Variants in FBXL17 observed in about 807,000 individuals in gnomAD.
FBXL17 encodes F-box/LRR-repeat protein 17.
A neutral mutation model predicts 66.2 loss-of-function variants in FBXL17; 22 were observed. The ratio of observed to expected loss-of-function variants is 0.33; its 90% confidence interval spans 0.24 to 0.47. The LOEUF (loss-of-function observed/expected upper bound fraction) is 0.47, where lower values mean the gene tolerates loss of function less well. Ranked by LOEUF, FBXL17 falls within the 20% of genes least tolerant of loss-of-function variation. FBXL17 has a pLI of 1.00. For missense variants in FBXL17, 878 were observed against 948.2 expected, an observed-to-expected ratio of 0.93 and a Z score of 0.97; for synonymous variants, 474 against 400.5, an observed-to-expected ratio of 1.18 and a Z score of -2.19.
Position 108,381,562 on chromosome 5 carries a change from G to A in FBXL17, c.130C>T (p.Gln44Ter). 7.0e-7 allele frequency: 1 copy of A among 1,438,468 alleles called. No homozygotes were observed. The highest frequency in any genetic ancestry group is 9.1e-7 in the Non-Finnish European group (1 of 1,104,034). 89.1% of individuals were successfully genotyped at this position (1,438,468 alleles called of 1,614,324 possible). A position where few individuals can be genotyped will look rare whatever the true frequency, so the allele number is the denominator to read the frequency against. The change falls in exon 1 of 9, where the codon CAG becomes TAG. Residue 44 changes from glutamine to a stop codon, truncating the protein, a stop_gained. Coordinates refer to ENST00000542267, the MANE Select transcript of FBXL17 (RefSeq NM_001163315.3). LOFTEE classifies it high-confidence loss of function. ...PRRTPAKVPP[Q>*]PAAPRSRDCF... is the part of the protein sequence containing the mutation. ...TCCCGGCTCCGGGGCGCCGCCGGCTGAGGGGGCACCTTGGCTGGGGTCCGG... is the reference window on the plus strand; with the variant it reads ...TCCCGGCTCCGGGGCGCCGCCGGCTAAGGGGGCACCTTGGCTGGGGTCCGG...
At chr5:108,050,626 A>G (rs1747433460) in intron 6 of FBXL17, among the ~76,000 whole-genome samples, 1 of 152,144 alleles carries the variant, frequency 6.6e-6, no homozygotes, top group Non-Finnish European at 1.5e-5. Context: ...AGACACCCTA[A>G]CATCACAATT....
intron 7 of FBXL17, among the ~76,000 whole-genome samples, chr5:107,995,013 G>A (rs1174797373): frequency 2.6e-5 from 4 of 152,144 alleles, no homozygotes; most frequent in African/African-American, 4.8e-5. Flanking sequence ...TGGGGGCATC[G>A]TGGCAATAAT....
intron 6 of FBXL17, among the ~76,000 whole-genome samples, chr5:108,052,209 C>T (rs927234656): frequency 4.0e-5 from 6 of 151,294 alleles, no homozygotes; most frequent in Admixed American, 2.0e-4. Flanking sequence ...CTGGCCAGGG[C>T]AATCAGGCAA....
At chr5:108,022,614 T>C (rs1213268455) in intron 6 of FBXL17, among the ~76,000 whole-genome samples, 5 of 152,140 alleles carry the variant, frequency 3.3e-5, no homozygotes, top group Non-Finnish European at 7.4e-5. Context: ...TTGCAGTTTG[T>C]TCTCATGCTC....
intron 4 of FBXL17, among the ~76,000 whole-genome samples, chr5:108,306,921 A>C (rs1420728885): frequency 6.6e-6 from 1 of 151,936 alleles, no homozygotes; most frequent in Non-Finnish European, 1.5e-5. Flanking sequence ...AAATGTACTA[A>C]TTTACTTTAT....
chr5:108,177,276 A>G (rs1186629313), intron 6 of FBXL17, among the ~76,000 whole-genome samples: 2 of 152,214 alleles, frequency 1.3e-5, no homozygotes, highest in African/African-American at 2.4e-5. Flanking sequence ...AAGAAACATC[A>G]TAAGAAATGA....
chr5:108,244,561 T>C (rs1255928815), intron 4 of FBXL17, among the ~76,000 whole-genome samples: 4 of 152,202 alleles, frequency 2.6e-5, no homozygotes, highest in Non-Finnish European at 5.9e-5. Context: ...GTACAAACAC[T>C]TCCTTTCTCT....
intron 6 of FBXL17, among the ~76,000 whole-genome samples, chr5:108,169,996 A>T (rs1362647246): frequency 1.3e-5 from 2 of 152,186 alleles, no homozygotes; most frequent in Non-Finnish European, 2.9e-5. Context: ...TCTGAGTATA[A>T]ATTAAAACTA....
chr5:108,088,700 C>CAAAAAAAAAAAAAAAAAAAAAA (rs57707936), intron 6 of FBXL17, among the ~76,000 whole-genome samples: 2 of 49,346 alleles, frequency 4.1e-5, no homozygotes, highest in African/African-American at 1.7e-4. Flanking sequence ...GACTCTATCT[C>CAAAAAAAAAAAAAAAAAAAAAA]AAAAAAAAAA....
At chr5:108,095,363 C>T (rs1749329217) in intron 6 of FBXL17, among the ~76,000 whole-genome samples, 1 of 151,908 alleles carries the variant, frequency 6.6e-6, no homozygotes, top group African/African-American at 2.4e-5. Flanking sequence ...CTTTACCATA[C>T]AGGAAGAAAG....
intron 5 of FBXL17, among the ~76,000 whole-genome samples, chr5:108,204,501 T>C (rs914318614): frequency 6.6e-6 from 1 of 152,162 alleles, no homozygotes; most frequent in Non-Finnish European, 1.5e-5. Context: ...AAAGGTCTTC[T>C]TGACTACTGA....
intron 4 of FBXL17, among the ~76,000 whole-genome samples, chr5:108,294,585 T>C (rs1758268511): frequency 6.6e-6 from 1 of 152,022 alleles, no homozygotes; most frequent in Non-Finnish European, 1.5e-5. Context: ...AAGCAAAGAA[T>C]AAAAATCTCA....
chr5:107,871,672 G>A (rs1748458648), intron 8 of FBXL17, among the ~76,000 whole-genome samples: 1 of 151,924 alleles, frequency 6.6e-6, no homozygotes, highest in South Asian at 2.1e-4. Context: ...TACATATGTG[G>A]GACACCAGGA....
chr5:108,055,541 G>A (rs1299210941), intron 6 of FBXL17, among the ~76,000 whole-genome samples: 4 of 146,992 alleles, frequency 2.7e-5, no homozygotes, highest in Admixed American at 2.0e-4. Flanking sequence ...CCCGGGAGGT[G>A]GAGCTTGCAG....
intron 4 of FBXL17, among the ~76,000 whole-genome samples, chr5:108,274,994 G>C (rs1467715112): frequency 6.6e-6 from 1 of 152,154 alleles, no homozygotes; most frequent in Admixed American, 6.5e-5. Flanking sequence ...AAAAGGAAGT[G>C]ACCAAGACAG....
In FBXL17 at chr5:107,859,390, G is replaced by GCTTTTTTTTTTTTTTTTTTT. The variant is rs1264472450; in HGVS notation, c.*2329_*2330insAAAAAAAAAAAAAAAAAAAG. 1.7e-5 allele frequency: 1 copy of GCTTTTTTTTTTTTTTTTTTT among 60,180 alleles called. No individual in the cohort carries two copies. The highest frequency in any genetic ancestry group is 2.9e-5 in the Non-Finnish European group (1 of 35,004). The allele number at this position is 60,180 out of a possible 1,614,324, so 3.7% of individuals were successfully genotyped here. A position where few individuals can be genotyped will look rare whatever the true frequency, so the allele number is the denominator to read the frequency against. ...CTCAAGGTGATGCTTTTTTCTGGCT[G>GCTTTTTTTTTTTTTTTTTTT]TTTTTTTTTTTTTTTTTTTTTTTTT... On this transcript the variant is annotated 3_prime_UTR_variant, in exon 9 of 9. Transcript: ENST00000542267.
intron 7 of FBXL17, among the ~76,000 whole-genome samples, chr5:107,933,448 TAAGAC>T (rs1183187891): frequency 6.6e-6 from 1 of 152,188 alleles, no homozygotes; most frequent in Non-Finnish European, 1.5e-5. Context: ...ACATTGGACT[TAAGAC>T]AATATGAGTT....
intron 8 of FBXL17, among the ~76,000 whole-genome samples, chr5:107,863,962 G>A (rs1233807540): frequency 6.6e-6 from 1 of 152,182 alleles, no homozygotes. Context: ...CTGTCCACTT[G>A]CCTATCTCTT....
chr5:107,881,958 G>A (rs933230570), intron 7 of FBXL17, among the ~76,000 whole-genome samples: 4 of 152,126 alleles, frequency 2.6e-5, no homozygotes, highest in Non-Finnish European at 5.9e-5. Context: ...ACTAATCACT[G>A]CAAAGTCCCA....
Sources: allele counts gnomAD v4.1 joint callset (sites outside exome capture counted in the v4.1 genomes callset), GRCh38; gene constraint gnomAD v4.1.1; transcripts MANE v1.5; gene names NCBI Gene and HGNC (gene_info 2026-07-23, HGNC 2026-07-21).